Variants in PRTG observed in about 807,000 individuals in gnomAD.
The protein encoded by PRTG is immunoglobulin superfamily, DCC subclass, member 5.
In PRTG, 67 loss-of-function variants were observed where a neutral mutation model predicts 122.5. That is an observed-to-expected ratio of 0.55 (90% CI 0.45 to 0.67). The LOEUF is 0.67. Among genes scored for constraint, PRTG ranks in the 30% least tolerant of loss-of-function variants. The pLI, the probability that PRTG is intolerant of heterozygous loss-of-function variation, is 0.00. For synonymous variants in PRTG, 554 were observed against 501.1 expected (o/e 1.11, Z -1.41); for missense variants, 1,435 against 1,415.4 (o/e 1.01, Z -0.22).
Position 55,621,692 on chromosome 15 carries a change from C to T in PRTG, c.3094-925G>A, listed in dbSNP as rs185522873. 1.9e-4 allele frequency among the ~76,000 whole-genome samples: 29 copies of T among 152,064 alleles called. No homozygotes were observed. In the East Asian group the frequency reaches 5.6e-3, roughly 29 times the overall value. On this transcript the variant is annotated intron_variant, in intron 18 of 19. Coordinates refer to ENST00000389286, the MANE Select transcript of PRTG (RefSeq NM_173814.6). ...ACAAACAAACACAAAACAGGTAGTA[C>T]AACATAGTCAAGGTATTTGTTAGTG...
At chr15:55,733,933 T>C (rs551146777) in intron 2 of PRTG, among the ~76,000 whole-genome samples, 55 of 152,312 alleles carry the variant, frequency 3.6e-4, no homozygotes, top group African/African-American at 1.2e-3. Context: ...AAGGATAAGA[T>C]AGAAACAGTT....
At chr15:55,674,567 C>T (rs1025500222) in intron 9 of PRTG, among the ~76,000 whole-genome samples, 1 of 152,100 alleles carries the variant, frequency 6.6e-6, no homozygotes, top group Non-Finnish European at 1.5e-5. Flanking sequence ...ACAGGCTCTT[C>T]AATGAAAACT....
At position 55,629,433 on chromosome 15, in the gene PRTG, GTGTAA is replaced by G. The variant is rs1415010015; in HGVS notation, c.2624-434_2624-430del. Among the ~76,000 whole-genome samples the G allele has an allele frequency of 5.1e-4, 69 of 135,214 alleles. 1 individual carries two copies. The highest frequency in any genetic ancestry group is 1.8e-3 in the African/African-American group (66 of 36,370). 88.7% of individuals were successfully genotyped at this position (135,214 alleles called of 152,430 possible). ...TGTGTGTGTGTGTGTGTGTGTGTGT[GTGTAA>G]TGTTTTACTCTTTACATAGATATGA... On this transcript the variant is annotated intron_variant, in intron 15 of 19. Transcript: ENST00000389286.
intron 3 of PRTG, among the ~76,000 whole-genome samples, chr15:55,683,104 AGAGTT>A (rs775828149): frequency 1.3e-5 from 2 of 152,126 alleles, no homozygotes; most frequent in Non-Finnish European, 2.9e-5. Context: ...CTGGTGGCCT[AGAGTT>A]TAGTATAATT....
intron 2 of PRTG, among the ~76,000 whole-genome samples, chr15:55,734,735 G>A (rs529816628): frequency 4.8e-5 from 3 of 63,044 alleles, no homozygotes; most frequent in Middle Eastern, 7.6e-3. Context: ...AGTAGTTTCT[G>A]AGAACCAGAG....
rs1179997029 is a variant in PRTG at position 55,615,712 on chromosome 15, T to C, written c.*4300A>G. ...TGTGCAGTCTTAGTGACTGTTTCAATATAACTGGAGTTTTTTTTTTACATT... is the reference window on the plus strand; with the variant it reads ...TGTGCAGTCTTAGTGACTGTTTCAACATAACTGGAGTTTTTTTTTTACATT... On this transcript the variant is annotated 3_prime_UTR_variant, in exon 20 of 20. Coordinates refer to ENST00000389286, the MANE Select transcript of PRTG (RefSeq NM_173814.6). The C allele has an allele frequency of 6.6e-6, 1 of 152,050 alleles. No individual in the cohort carries two copies. The highest frequency in any genetic ancestry group is 2.4e-5 in the African/African-American group (1 of 41,430). 9.4% of individuals were successfully genotyped at this position (152,050 alleles called of 1,614,324 possible). A position where few individuals can be genotyped will look rare whatever the true frequency, so the allele number is the denominator to read the frequency against.
chr15:55,682,390 A>G lies in PRTG; in HGVS notation c.650T>C (p.Met217Thr). 1 of 1,604,206 alleles carries G rather than the reference A, an allele frequency of 6.2e-7. No homozygotes were observed. Among genetic ancestry groups the G allele is most frequent in the African/African-American group, 1.3e-5 (1 of 74,618 alleles). The stretch of plus-strand genomic sequence containing the variant: ...TGGAATCACAGTTAGCGAGGCCTCC[A>G]TACTTTTACGTCGGTGGGCTACAGT... ...AATVAHRRKS[M>T]EASLTVIPAK... Residue 217 changes from methionine to threonine, a missense_variant, in exon 4 of 20, where the codon ATG becomes ACG. Met to Thr is a moderately conservative substitution (Grantham distance 81, BLOSUM62 -1). Transcript: ENST00000389286.
intron 11 of PRTG, among the ~76,000 whole-genome samples, chr15:55,646,818 A>G (rs1227787757): frequency 1.3e-5 from 2 of 152,226 alleles, no homozygotes; most frequent in African/African-American, 4.8e-5. Flanking sequence ...TTTTGTCCCT[A>G]GCCAAATGTA....
At chr15:55,697,998 A>G (rs2059641088) in intron 2 of PRTG, among the ~76,000 whole-genome samples, 1 of 152,026 alleles carries the variant, frequency 6.6e-6, no homozygotes, top group Non-Finnish European at 1.5e-5. Context: ...ATCTCTCCCT[A>G]TTCACCTAGC....
intron 2 of PRTG, among the ~76,000 whole-genome samples, chr15:55,699,136 A>G (rs2059648262): frequency 6.6e-6 from 1 of 152,218 alleles, no homozygotes; most frequent in Non-Finnish European, 1.5e-5. Context: ...AGTTACAGCC[A>G]TTGTAGCCAT....
At chr15:55,670,336 T>C (rs2059462341) in intron 11 of PRTG, among the ~76,000 whole-genome samples, 1 of 152,202 alleles carries the variant, frequency 6.6e-6, no homozygotes, top group Admixed American at 6.5e-5. Flanking sequence ...GTATCTTCTA[T>C]ATATTCATAT....
At chr15:55,708,172 A>AAC (rs1488030847) in intron 2 of PRTG, among the ~76,000 whole-genome samples, 1 of 142,696 alleles carries the variant, frequency 7.0e-6, no homozygotes, top group Non-Finnish European at 1.5e-5. Context: ...AAAAAAAAAA[A>AAC]AAAAACAGAG....
intron 2 of PRTG, among the ~76,000 whole-genome samples, chr15:55,697,226 A>G (rs2059636781): frequency 2.0e-5 from 3 of 152,186 alleles, no homozygotes; most frequent in Admixed American, 1.3e-4. Context: ...ACTGGTTTTA[A>G]CCATTCCCTA....
intron 9 of PRTG, 141 bp from the exon 10 acceptor site, chr15:55,673,817 C>T (rs1029731372): frequency 1.5e-6 from 1 of 649,572 alleles, no homozygotes; most frequent in Non-Finnish European, 2.6e-6. Flanking sequence ...TTCAGTGAAA[C>T]AGAGTACAAA....
Position 55,615,551 on chromosome 15 carries a change from C to T in PRTG, c.*4461G>A, listed in dbSNP as rs1471927922. 1 of 152,068 alleles carries T rather than the reference C, an allele frequency of 6.6e-6. No individual in the cohort carries two copies. Among genetic ancestry groups the T allele is most frequent in the Non-Finnish European group, 1.5e-5 (1 of 67,978 alleles). 9.4% of individuals were successfully genotyped at this position (152,068 alleles called of 1,614,324 possible). A position where few individuals can be genotyped will look rare whatever the true frequency, so the allele number is the denominator to read the frequency against. Reference sequence around the variant, plus strand: ...CAATAAAAAAATCACAATTAGACAACTGGTTGTATATGGTAGTCTCCAGAA... The same window carrying T: ...CAATAAAAAAATCACAATTAGACAATTGGTTGTATATGGTAGTCTCCAGAA... On this transcript the variant is annotated 3_prime_UTR_variant, in exon 20 of 20. Transcript: ENST00000389286.
In PRTG at chr15:55,740,399, G is replaced by A. The variant is rs766921045; in HGVS notation, c.380C>T (p.Ala127Val). ...ACACTTACTTGATAAGGCAAGATGA[G>A]CTTTTTGACTAAGAATGGCTCCATA... ...NKYGAILSQK[A>V]HLALSTISAF... Residue 127 changes from alanine to valine, a missense_variant, in exon 2 of 20, where the codon GCT (alanine) becomes GTT (valine). Coordinates refer to ENST00000389286, the MANE Select transcript of PRTG (RefSeq NM_173814.6). 1 of 1,604,200 alleles carries A rather than the reference G, an allele frequency of 6.2e-7. No homozygotes were observed. The highest frequency in any genetic ancestry group is 1.7e-5 in the Admixed American group (1 of 59,098).
At chr15:55,691,437 C>T (rs1595655175) in intron 2 of PRTG, among the ~76,000 whole-genome samples, 2 of 152,114 alleles carry the variant, frequency 1.3e-5, no homozygotes, top group East Asian at 1.9e-4. Flanking sequence ...AATCCCAGCA[C>T]TTTGGGAGGC....
intron 11 of PRTG, among the ~76,000 whole-genome samples, chr15:55,665,909 A>G (rs542320719): frequency 1.3e-5 from 2 of 152,330 alleles, no homozygotes; most frequent in African/African-American, 2.4e-5. Context: ...CGTCAAAATT[A>G]TATGAAATTC....
Position 55,672,549 on chromosome 15 carries a change from G to A in PRTG, c.1937C>T (p.Ala646Val). 1 of 1,614,066 alleles carries A rather than the reference G, an allele frequency of 6.2e-7. No homozygotes were observed. The highest frequency in any genetic ancestry group is 1.1e-5 in the South Asian group (1 of 91,076). The stretch of plus-strand genomic sequence containing the variant: ...GTACAGCTTGTAGCCCTGAATAGCA[G>A]CTGTGTCCTCTACATCTTGCTGCCA... ...VRWQQDVEDT[A>V]AIQGYKLYYK... Residue 646 changes from alanine (A) to valine (V), a missense_variant, in exon 11 of 20, where the codon GCT (alanine) becomes GTT (valine). Coordinates refer to ENST00000389286, the MANE Select transcript of PRTG (RefSeq NM_173814.6).
Sources: gnomAD v4.1 joint callset for allele counts (sites outside exome capture counted in the v4.1 genomes callset) on GRCh38, gnomAD v4.1.1 for gene constraint, MANE v1.5 for transcripts, NCBI Gene and HGNC (gene_info 2026-07-23, HGNC 2026-07-21) for gene names.